The following NEGR1 variants were observed in gnomAD, a reference collection of about 807,000 sequenced individuals.
NEGR1 encodes the protein IgLON family member 4.
A neutral mutation model predicts 40.9 loss-of-function variants in NEGR1; 10 were observed. The observed-to-expected ratio is 0.24, with a 90% CI of 0.15 to 0.42. The LOEUF (loss-of-function observed/expected upper bound fraction) is 0.42. NEGR1 is among the 10% of genes least tolerant of loss of function. NEGR1 has a pLI of 1.00. For missense variants in NEGR1, 352 were observed against 438.9 expected (o/e 0.80, Z 1.77); for synonymous variants, 185 against 166.8 (o/e 1.11, Z -0.84).
At chr1:71,821,258 A>G (rs554091606) in intron 2 of NEGR1, among the ~76,000 whole-genome samples, 13 of 151,984 alleles carry the variant, frequency 8.6e-5, no homozygotes, top group Admixed American at 2.0e-4. Flanking sequence ...TATATTGATC[A>G]TGCCAGATGA....
chr1:72,117,320 C>T (rs1044152561), intron 1 of NEGR1, among the ~76,000 whole-genome samples: 9 of 151,354 alleles, frequency 5.9e-5, no homozygotes, highest in African/African-American at 2.2e-4. Context: ...TTTGTTTGTC[C>T]TCAGTGATCC....
At chr1:71,984,880 AAAT>A (rs1646381880) in intron 1 of NEGR1, among the ~76,000 whole-genome samples, 1 of 152,184 alleles carries the variant, frequency 6.6e-6, no homozygotes, top group African/African-American at 2.4e-5. Context: ...TAATGATATA[AAAT>A]AATAACTAAT....
At chr1:72,115,764 A>C (rs556172574) in intron 1 of NEGR1, among the ~76,000 whole-genome samples, 22 of 151,788 alleles carry the variant, frequency 1.4e-4, no homozygotes, top group African/African-American at 5.3e-4. Flanking sequence ...ACACCCATTA[A>C]AGGGAAGGGA....
intron 3 of NEGR1, among the ~76,000 whole-genome samples, chr1:71,732,722 A>C (rs1273961369): frequency 6.6e-6 from 1 of 152,144 alleles, no homozygotes; most frequent in Admixed American, 6.5e-5. Context: ...ACTGACACAT[A>C]AGTCCTCAAG....
intron 6 of NEGR1, among the ~76,000 whole-genome samples, chr1:71,537,900 C>T (rs1647560430): frequency 6.6e-6 from 1 of 151,562 alleles, no homozygotes; most frequent in Non-Finnish European, 1.5e-5. Flanking sequence ...CAGTAAAGGT[C>T]CTCAGTGAGA....
chr1:71,525,291 A>T (rs1156968589), intron 6 of NEGR1, among the ~76,000 whole-genome samples: 2 of 151,478 alleles, frequency 1.3e-5, no homozygotes, highest in African/African-American at 4.8e-5. Flanking sequence ...TGAGGAAAAA[A>T]TTTTTCCCTT....
chr1:71,573,466 A>T (rs1191388586), intron 6 of NEGR1: 1 of 152,282 alleles, frequency 6.6e-6, no homozygotes, highest in African/African-American at 2.4e-5. Flanking sequence ...TGTTCTTTAC[A>T]AGTCTAACTA....
intron 4 of NEGR1, among the ~76,000 whole-genome samples, chr1:71,620,580 C>T (rs886953620): frequency 2.6e-5 from 4 of 151,866 alleles, no homozygotes; most frequent in African/African-American, 4.8e-5. Flanking sequence ...ATAAGGTCAA[C>T]CAACTCTTTT....
intron 1 of NEGR1, among the ~76,000 whole-genome samples, chr1:72,035,249 CT>C (rs1646892354): frequency 1.3e-5 from 2 of 152,278 alleles, no homozygotes; most frequent in Admixed American, 1.3e-4. Flanking sequence ...ATGCGGAAGC[CT>C]TTTCTCTGTC....
chr1:71,420,054 A>G (rs1646384564), intron 6 of NEGR1, among the ~76,000 whole-genome samples: 1 of 152,136 alleles, frequency 6.6e-6, no homozygotes, highest in African/African-American at 2.4e-5. Context: ...TTTTGTAGAT[A>G]TTGCAAATTT....
intron 6 of NEGR1, among the ~76,000 whole-genome samples, chr1:71,533,364 T>C (rs1286735347): frequency 6.6e-6 from 1 of 151,652 alleles, no homozygotes; most frequent in Non-Finnish European, 1.5e-5. Flanking sequence ...TTGATAAAGC[T>C]CAAATTGCCC....
chr1:71,629,384 A>C (rs1181208324), intron 4 of NEGR1, among the ~76,000 whole-genome samples: 1 of 151,980 alleles, frequency 6.6e-6, no homozygotes, highest in Non-Finnish European at 1.5e-5. Flanking sequence ...ATGTTTTTCC[A>C]TTTGTTTGTG....
intron 2 of NEGR1, among the ~76,000 whole-genome samples, chr1:71,793,549 A>C (rs1490066158): frequency 6.6e-6 from 1 of 151,956 alleles, no homozygotes; most frequent in Non-Finnish European, 1.5e-5. Flanking sequence ...ACAAAAATAA[A>C]ATGAGGAAAA....
intron 2 of NEGR1, among the ~76,000 whole-genome samples, chr1:71,806,823 T>A (rs914693705): frequency 6.6e-6 from 1 of 152,064 alleles, no homozygotes; most frequent in East Asian, 1.9e-4. Flanking sequence ...ACTAATAAGT[T>A]TTAATCCCCA....
At chr1:72,231,823 A>G (rs1654375775) in intron 1 of NEGR1, among the ~76,000 whole-genome samples, 1 of 152,198 alleles carries the variant, frequency 6.6e-6, no homozygotes, top group Non-Finnish European at 1.5e-5. Flanking sequence ...GAAATGAAGA[A>G]ATGAATAGGG....
At chr1:71,963,370 G>C (rs147724912) in intron 1 of NEGR1, among the ~76,000 whole-genome samples, 14 of 152,248 alleles carry the variant, frequency 9.2e-5, no homozygotes, top group African/African-American at 3.4e-4. Flanking sequence ...AGATAATACA[G>C]AGAACTGTTA....
intron 2 of NEGR1, among the ~76,000 whole-genome samples, chr1:71,790,916 T>G (rs1657092910): frequency 6.6e-6 from 1 of 151,924 alleles, no homozygotes; most frequent in South Asian, 2.1e-4. Flanking sequence ...TGAGGGAGGT[T>G]AAGTGATGAA....
chr1:71,875,114 T>C (rs1204195459), intron 2 of NEGR1, among the ~76,000 whole-genome samples: 1 of 152,180 alleles, frequency 6.6e-6, no homozygotes, highest in Admixed American at 6.6e-5. Context: ...TTCAAAGTGC[T>C]GGGGTTACAA....
At chr1:71,960,906 T>TA (rs1393767045) in intron 1 of NEGR1, among the ~76,000 whole-genome samples, 1 of 152,194 alleles carries the variant, frequency 6.6e-6, no homozygotes, top group African/African-American at 2.4e-5. Flanking sequence ...CAAAATTCCT[T>TA]AGATGACAAA....
Sources: gnomAD v4.1 joint callset for allele counts (sites outside exome capture counted in the v4.1 genomes callset) on GRCh38, gnomAD v4.1.1 for gene constraint, MANE v1.5 for transcripts, NCBI Gene and HGNC (gene_info 2026-07-23, HGNC 2026-07-21) for gene names.